The following CCDC152 variants were observed in gnomAD, a reference collection of about 807,000 sequenced individuals.
The protein encoded by CCDC152 is coiled-coil domain containing 152, also known as coiled-coil domain-containing protein 152.
In CCDC152, 37 loss-of-function variants were observed where a neutral mutation model predicts 38.1. The observed-to-expected ratio is 0.97, with a 90% CI of 0.75 to 1.28. The LOEUF is 1.28. Among genes scored for constraint, CCDC152 ranks in the 50% most tolerant of loss-of-function variants. The probability of loss-of-function intolerance (pLI) is 0.00; values close to 1 mark genes in which losing one functional copy is unlikely to be tolerated. For synonymous variants in CCDC152, 83 were observed against 87.1 expected (o/e 0.95, Z 0.26); for missense variants, 259 against 292.1 (o/e 0.89, Z 0.83).
At position 42,799,465 on chromosome 5, in the gene CCDC152, G is replaced by T. The variant is rs1760129756; in HGVS notation, c.642+7G>T. The T allele has an allele frequency of 6.7e-7, 1 of 1,495,360 alleles. No homozygotes were observed. The highest frequency in any genetic ancestry group is 2.5e-5 in the East Asian group (1 of 40,514). 92.6% of individuals were successfully genotyped at this position (1,495,360 alleles called of 1,614,324 possible). A position where few individuals can be genotyped will look rare whatever the true frequency, so the allele number is the denominator to read the frequency against. ...ACAAAGTATCTACAGAAGGGTATGT[G>T]AGTTTTCCTCTCAGTATTTGTTGCT... is the stretch of plus-strand genomic sequence containing the variant. On this transcript the variant is annotated splice_region_variant and intron_variant, in intron 8 of 8. Transcript: ENST00000361970.
chr5:42,772,662 A>AAAC (rs1759715875), intron 4 of CCDC152, among the ~76,000 whole-genome samples: 1 of 152,074 alleles, frequency 6.6e-6, no homozygotes, highest in South Asian at 2.1e-4. Context: ...AAAAAAAAAA[A>AAAC]AAAATAGCCA....
At position 42,783,575 on chromosome 5, in the gene CCDC152, AG is replaced by A; in HGVS notation, c.430+1del. 1 of 1,345,710 alleles carries A rather than the reference AG, an allele frequency of 7.4e-7. No individual in the cohort carries two copies. Among genetic ancestry groups the A allele is most frequent in the East Asian group, 3.0e-5 (1 of 33,076 alleles). 83.4% of individuals were successfully genotyped at this position (1,345,710 alleles called of 1,614,324 possible). On this transcript the variant is annotated frameshift_variant and splice_region_variant, in exon 6 of 9. Transcript: ENST00000361970. LOFTEE classifies it high-confidence loss of function. ...SKLYQDMQRK[V>X]ELNEEKHKEL... ...AACTTTATCAGGACATGCAGAGAAA[AG>A]GTAAGTTTAAAATAAACTTGCTTTT...
At chr5:42,789,820 G>A (rs1402409312) in intron 6 of CCDC152, among the ~76,000 whole-genome samples, 1 of 152,010 alleles carries the variant, frequency 6.6e-6, no homozygotes, top group Non-Finnish European at 1.5e-5. Flanking sequence ...ATCATATGCA[G>A]CAATTAACTT....
At chr5:42,788,857 C>T (rs1407710579) in intron 6 of CCDC152, among the ~76,000 whole-genome samples, 2 of 152,120 alleles carry the variant, frequency 1.3e-5, no homozygotes, top group African/African-American at 2.4e-5. Context: ...TTCCCATGGA[C>T]CTGCAGGTTC....
At chr5:42,797,048 G>C (rs1383357512) in intron 7 of CCDC152, 92 bp downstream of exon 7, 1 of 1,002,454 alleles carries the variant, frequency 1.0e-6, no homozygotes, top group African/African-American at 1.7e-5. Flanking sequence ...ATACATTTTA[G>C]GATTAGAAGC....
In CCDC152 at chr5:42,800,806, T is replaced by G; in HGVS notation, c.*1025T>G. ...TCTGTGGGTATAAGCTGCTGACTTA[T>G]TTGTCAGGCAGCTGGAGGCAAACGT... On this transcript the variant is annotated 3_prime_UTR_variant, in exon 9 of 9. Transcript: ENST00000361970. 5 of 1,614,232 alleles carry G rather than the reference T, an allele frequency of 3.1e-6. No homozygotes were observed. Among genetic ancestry groups the G allele is most frequent in the Non-Finnish European group, 4.2e-6 (5 of 1,180,038 alleles).
chr5:42,801,326 G>A lies in CCDC152; in HGVS notation c.*1545G>A, dbSNP rs748759793. The A allele has an allele frequency of 2.5e-6, 4 of 1,602,030 alleles. No homozygotes were observed. The highest frequency in any genetic ancestry group is 3.4e-5 in the Admixed American group (2 of 58,516). ...CACGTTTACAAAAGTCTTCATCTTT[G>A]AGAGTCTGGAACAAATTTATAAATC... is the stretch of plus-strand genomic sequence containing the variant. On this transcript the variant is annotated 3_prime_UTR_variant, in exon 9 of 9. Transcript: ENST00000361970.
rs1307332999 is a variant in CCDC152, at chr5:42,799,974, A to T, written c.*193A>T. 4.9e-6 allele frequency: 3 copies of T among 608,830 alleles called. No homozygotes were observed. Among genetic ancestry groups the T allele is most frequent in the Middle Eastern group, 4.5e-4 (1 of 2,198 alleles). The allele number at this position is 608,830 out of a possible 1,614,324, so 37.7% of individuals were successfully genotyped here. ...TGCTTAATAGTATTAACCATAAAGGAGGTCAGGTTTATAGGGTTTGGTTTA... is the reference window on the plus strand; with the variant it reads ...TGCTTAATAGTATTAACCATAAAGGTGGTCAGGTTTATAGGGTTTGGTTTA... On this transcript the variant is annotated 3_prime_UTR_variant, in exon 9 of 9. Coordinates refer to ENST00000361970, the MANE Select transcript of CCDC152 (RefSeq NM_001134848.2).
At chr5:42,774,555 G>A (rs1759746224) in intron 4 of CCDC152, among the ~76,000 whole-genome samples, 1 of 152,130 alleles carries the variant, frequency 6.6e-6, no homozygotes, top group African/African-American at 2.4e-5. Flanking sequence ...CCCAACTCTA[G>A]CCCATTCTAG....
chr5:42,770,791 T>A (rs1759686999), intron 4 of CCDC152, among the ~76,000 whole-genome samples: 1 of 152,182 alleles, frequency 6.6e-6, no homozygotes, highest in Non-Finnish European at 1.5e-5. Flanking sequence ...ATTTCCTTCA[T>A]CAATGTTTTA....
intron 5 of CCDC152, 118 bp from the exon 6 acceptor site, chr5:42,783,356 T>G: frequency 3.2e-6 from 1 of 317,106 alleles, no homozygotes; most frequent in Non-Finnish European, 5.1e-6. Flanking sequence ...GTAACATAAA[T>G]GGAGAATTTT....
chr5:42,797,882 T>A (rs1006896138), intron 7 of CCDC152, among the ~76,000 whole-genome samples: 1 of 152,136 alleles, frequency 6.6e-6, no homozygotes, highest in East Asian at 1.9e-4. Context: ...GTGTGGTGGC[T>A]CACACCTATA....
chr5:42,774,602 G>C lies in CCDC152; in HGVS notation c.263-4856G>C, dbSNP rs148885024. On this transcript the variant is annotated intron_variant, in intron 4 of 8. Transcript: ENST00000361970. Reference sequence around the variant, plus strand: ...CACCAAAGGGGAGAGGGACTAAGAAGCATGTGGGTAACTCACAGTCCAAAG... The same window carrying C: ...CACCAAAGGGGAGAGGGACTAAGAACCATGTGGGTAACTCACAGTCCAAAG... 6.7e-3 allele frequency among the ~76,000 whole-genome samples: 1,020 copies of C among 152,256 alleles called. 2 individuals carry two copies. Among genetic ancestry groups the C allele is most frequent in the Non-Finnish European group, 0.011 (758 of 68,016 alleles).
chr5:42,757,432 G>A (rs1299595144), intron 1 of CCDC152, among the ~76,000 whole-genome samples: 1 of 152,184 alleles, frequency 6.6e-6, no homozygotes, highest in Non-Finnish European at 1.5e-5. Flanking sequence ...CGCTCCTGTG[G>A]GGATGGTTGA....
chr5:42,795,177 C>T (rs1473718914), intron 6 of CCDC152, among the ~76,000 whole-genome samples: 1 of 151,958 alleles, frequency 6.6e-6, no homozygotes, highest in Admixed American at 6.6e-5. Context: ...AAATACAAAA[C>T]TATAGAAAGA....
intron 6 of CCDC152, among the ~76,000 whole-genome samples, chr5:42,789,186 C>T (rs546401481): frequency 6.6e-6 from 1 of 152,312 alleles, no homozygotes; most frequent in Non-Finnish European, 1.5e-5. Context: ...CAAGAAGCAC[C>T]CTCACTTACC....
chr5:42,789,576 C>T (rs926781294), intron 6 of CCDC152, among the ~76,000 whole-genome samples: 5 of 152,046 alleles, frequency 3.3e-5, no homozygotes, highest in Admixed American at 6.5e-5. Flanking sequence ...AATTTGGTTC[C>T]TAGTATTTAC....
At chr5:42,789,423 C>T (rs556980559) in intron 6 of CCDC152, among the ~76,000 whole-genome samples, 2 of 152,286 alleles carry the variant, frequency 1.3e-5, no homozygotes, top group African/African-American at 4.8e-5. Flanking sequence ...GTCTCGAATT[C>T]CCAACCTCAA....
At chr5:42,765,434 C>A in intron 3 of CCDC152, among the ~76,000 whole-genome samples, 1 of 149,260 alleles carries the variant, frequency 6.7e-6, no homozygotes, top group South Asian at 2.2e-4. Flanking sequence ...TGTATTGAAC[C>A]ACAAAAGACC....
Sources: gnomAD v4.1 joint callset for allele counts (sites outside exome capture counted in the v4.1 genomes callset) on GRCh38, gnomAD v4.1.1 for gene constraint, MANE v1.5 for transcripts, NCBI Gene and HGNC (gene_info 2026-07-23, HGNC 2026-07-21) for gene names.